Variants in ADGRB3 observed in about 807,000 individuals in gnomAD.
ADGRB3 encodes the protein brain-specific angiogenesis inhibitor 3.
ADGRB3 carries 37 observed loss-of-function variants against 193.4 expected under a neutral mutation model. That is an observed-to-expected ratio of 0.19 (90% confidence interval 0.15 to 0.25). The LOEUF is 0.25. Among genes scored for constraint, ADGRB3 ranks in the 10% least tolerant of loss-of-function variants. The pLI, the probability that ADGRB3 is intolerant of heterozygous loss-of-function variation, is 1.00. For synonymous variants in ADGRB3, 690 were observed against 644.2 expected, an observed-to-expected ratio of 1.07 and a Z score of -1.08; for missense variants, 1,637 against 1,852.9, an observed-to-expected ratio of 0.88 and a Z score of 2.14.
At chr6:68,798,410 G>A (rs954936577) in intron 3 of ADGRB3, among the ~76,000 whole-genome samples, 1 of 151,932 alleles carries the variant, frequency 6.6e-6, no homozygotes, top group African/African-American at 2.4e-5. Flanking sequence ...AATACAGAAT[G>A]CAACAGTAGA....
chr6:68,962,980 A>T (rs1185185311), intron 8 of ADGRB3, among the ~76,000 whole-genome samples: 1 of 152,092 alleles, frequency 6.6e-6, no homozygotes, highest in Non-Finnish European at 1.5e-5. Flanking sequence ...CCTACCTGGG[A>T]CTCAATTCAG....
At chr6:68,686,804 T>G (rs999446158) in intron 3 of ADGRB3, among the ~76,000 whole-genome samples, 2 of 152,162 alleles carry the variant, frequency 1.3e-5, no homozygotes, top group Non-Finnish European at 2.9e-5. Flanking sequence ...AATAAGTCAT[T>G]TGTTTGTAAG....
chr6:69,254,523 A>T (rs1217816133), intron 20 of ADGRB3, among the ~76,000 whole-genome samples: 1 of 152,106 alleles, frequency 6.6e-6, no homozygotes, highest in Non-Finnish European at 1.5e-5. Flanking sequence ...AGTATGTAGC[A>T]TAACTATCTT....
intron 3 of ADGRB3, among the ~76,000 whole-genome samples, chr6:68,659,445 C>CT (rs202098852): frequency 0.022 from 3,347 of 150,356 alleles, 65 homozygotes; most frequent in South Asian, 0.074. Context: ...TTAAAGTTTC[C>CT]TTTTTTTCTT....
intron 26 of ADGRB3, among the ~76,000 whole-genome samples, chr6:69,349,358 A>G (rs1258395526): frequency 6.6e-6 from 1 of 152,214 alleles, no homozygotes; most frequent in African/African-American, 2.4e-5. Context: ...TAAGTGATAG[A>G]TCCTTTAGAT....
At chr6:69,134,338 T>C (rs1047780358) in intron 17 of ADGRB3, among the ~76,000 whole-genome samples, 1 of 152,148 alleles carries the variant, frequency 6.6e-6, no homozygotes, top group Non-Finnish European at 1.5e-5. Flanking sequence ...TTCCTCATCA[T>C]TGTAACTTCC....
rs1029725367 is a variant in ADGRB3, at chr6:68,733,503, A to G, written c.757+94071A>G. ...CTTCAAAAAGGGGGAAGAAGGGAGG[A>G]AAGCATTGAAAACCTACCTTTTGAG... is the stretch of plus-strand genomic sequence containing the variant. On this transcript the variant is annotated intron_variant, in intron 3 of 31. Transcript: ENST00000370598. 7.9e-5 allele frequency among the ~76,000 whole-genome samples: 12 copies of G among 151,922 alleles called. No homozygotes were observed. In the South Asian group the frequency reaches 2.3e-3, roughly 29 times the overall value.
intron 17 of ADGRB3, among the ~76,000 whole-genome samples, chr6:69,232,056 A>G (rs976136474): frequency 7.2e-5 from 11 of 152,216 alleles, no homozygotes; most frequent in South Asian, 2.1e-4. Flanking sequence ...CAAAAGCACC[A>G]TATCAAAATT....
intron 3 of ADGRB3, among the ~76,000 whole-genome samples, chr6:68,767,954 A>C (rs571680150): frequency 1.4e-4 from 21 of 152,296 alleles, no homozygotes; most frequent in Non-Finnish European, 2.5e-4. Flanking sequence ...TAAAAAGAGA[A>C]TAAAATGCCT....
intron 20 of ADGRB3, among the ~76,000 whole-genome samples, chr6:69,254,910 A>G (rs1308905427): frequency 7.7e-6 from 1 of 129,262 alleles, no homozygotes; most frequent in Non-Finnish European, 1.6e-5. Context: ...TCCTGTGTCC[A>G]TGTGTTCTCA....
chr6:69,141,224 C>T (rs569978018), intron 17 of ADGRB3, among the ~76,000 whole-genome samples: 70 of 151,908 alleles, frequency 4.6e-4, no homozygotes, highest in African/African-American at 1.6e-3. Context: ...CCTGGGTTCT[C>T]GGCATTCTCC....
At chr6:68,826,912 A>G (rs1767854530) in intron 3 of ADGRB3, among the ~76,000 whole-genome samples, 1 of 152,190 alleles carries the variant, frequency 6.6e-6, no homozygotes, top group Non-Finnish European at 1.5e-5. Context: ...TGGAGAGGTC[A>G]GTTTTGAGAT....
At chr6:69,304,159 C>G (rs561673685) in intron 20 of ADGRB3, among the ~76,000 whole-genome samples, 1 of 151,650 alleles carries the variant, frequency 6.6e-6, no homozygotes. Context: ...TTTTATCACT[C>G]TTGGTTTATA....
At chr6:68,774,268 G>C (rs913832145) in intron 3 of ADGRB3, among the ~76,000 whole-genome samples, 3 of 151,698 alleles carry the variant, frequency 2.0e-5, no homozygotes, top group Non-Finnish European at 4.4e-5. Flanking sequence ...AACAAAGGTA[G>C]TGTAGGAAGC....
At chr6:69,100,810 AAAGGAAGGAAGGAAAG>A (rs1562159289) in intron 17 of ADGRB3, among the ~76,000 whole-genome samples, 2 of 55,174 alleles carry the variant, frequency 3.6e-5, no homozygotes, top group African/African-American at 6.1e-5. Context: ...AAAAAAAGAC[AAAGGAAGGAAGGAAAG>A]AAGGAAGGAA....
intron 3 of ADGRB3, among the ~76,000 whole-genome samples, chr6:68,896,108 C>T (rs974930996): frequency 1.3e-5 from 2 of 152,098 alleles, no homozygotes; most frequent in African/African-American, 2.4e-5. Context: ...AGAACATACA[C>T]ACTTGGTAAG....
chr6:69,297,368 T>TTCTCTCTCTCTCTCTCTCTCTCTCTCTC (rs70987459), intron 20 of ADGRB3, among the ~76,000 whole-genome samples: 1 of 97,614 alleles, frequency 1.0e-5, no homozygotes, highest in South Asian at 3.8e-4. Context: ...CTCTCTCTCT[T>TTCTCTCTCTCTCTCTCTCTCTCTCTCTC]TCTCTCTCTC....
At chr6:69,104,386 A>T (rs186116855) in intron 17 of ADGRB3, among the ~76,000 whole-genome samples, 1 of 151,626 alleles carries the variant, frequency 6.6e-6, no homozygotes, top group South Asian at 2.1e-4. Context: ...CTATGGCTGC[A>T]TAGTATTCCA....
intron 3 of ADGRB3, among the ~76,000 whole-genome samples, chr6:68,840,091 T>G (rs1768122216): frequency 6.6e-6 from 1 of 152,100 alleles, no homozygotes. Flanking sequence ...CACAGGCTAA[T>G]ACTCTGGGAT....
Sources: allele counts gnomAD v4.1 joint callset (sites outside exome capture counted in the v4.1 genomes callset), GRCh38; gene constraint gnomAD v4.1.1; transcripts MANE v1.5; gene names NCBI Gene and HGNC (gene_info 2026-07-23, HGNC 2026-07-21).